EPC2: variants seen among roughly 807,000 people sequenced by gnomAD.
EPC2 encodes the protein enhancer of polycomb 2, also known as enhancer of polycomb homolog 2.
In EPC2, 14 loss-of-function variants were observed where a neutral mutation model predicts 92.1. The ratio of observed to expected loss-of-function variants is 0.15; its 90% CI spans 0.10 to 0.24. EPC2 has a LOEUF of 0.24. EPC2 is among the 10% of genes least tolerant of loss of function. EPC2 has a pLI of 1.00. For missense variants in EPC2, 755 were observed against 971.5 expected, an observed-to-expected ratio of 0.78 and a Z score of 2.96; for synonymous variants, 340 against 334.7, an observed-to-expected ratio of 1.02 and a Z score of -0.17.
rs1423352633 is a variant in EPC2 at position 148,762,720 on chromosome 2, G to A, written c.866G>A (p.Ser289Asn). 3 of 1,610,228 alleles carry A rather than the reference G, an allele frequency of 1.9e-6. No homozygotes were observed. Among genetic ancestry groups the A allele is most frequent in the Admixed American group, 3.4e-5 (2 of 59,482 alleles). Residue 289 changes from serine (S) to asparagine (N), a missense_variant, in exon 6 of 14, where the codon AGT (serine) becomes AAT (asparagine). Transcript: ENST00000258484. ...GAAATCCTTAATGAAGTAAAAATCA[G>A]TAGATCAGAAAAAGAGTTATATGCC... ...GGEILNEVKI[S>N]RSEKELYATP... is the part of the protein sequence containing the mutation.
intron 2 of EPC2, among the ~76,000 whole-genome samples, chr2:148,741,978 C>A (rs185739331): frequency 6.6e-6 from 1 of 152,084 alleles, no homozygotes; most frequent in Non-Finnish European, 1.5e-5. Context: ...TATATTAGTG[C>A]GCTATATATA....
chr2:148,663,462 C>G (rs1195653048), intron 1 of EPC2, among the ~76,000 whole-genome samples: 2 of 151,558 alleles, frequency 1.3e-5, no homozygotes, highest in Non-Finnish European at 2.9e-5. Flanking sequence ...TCGTGACCCA[C>G]CCGCCTTGGC....
In EPC2 at chr2:148,761,663, AT is replaced by A. The variant is rs576361867; in HGVS notation, c.667-111del. The A allele has an allele frequency of 2.3e-4, 149 of 653,534 alleles. 1 individual carries two copies. In the African/African-American group the frequency reaches 2.3e-3, roughly 10 times the overall value. The allele number at this position is 653,534 out of a possible 1,614,324, so 40.5% of individuals were successfully genotyped here. On this transcript the variant is annotated intron_variant, in intron 4 of 13. Coordinates refer to ENST00000258484, the MANE Select transcript of EPC2 (RefSeq NM_015630.4). ...TTATCTTACATAGGTTGCTGTTCAGATTTTTTTTAACATTTTACTTTTATAG... is the reference window on the plus strand; with the variant it reads ...TTATCTTACATAGGTTGCTGTTCAGATTTTTTTAACATTTTACTTTTATAG...
intron 2 of EPC2, among the ~76,000 whole-genome samples, chr2:148,690,986 T>G (rs559860345): frequency 2.6e-5 from 4 of 152,318 alleles, no homozygotes; most frequent in African/African-American, 9.6e-5. Flanking sequence ...AAAGGTCCAG[T>G]GGCCCTAATG....
At position 148,715,021 on chromosome 2, in the gene EPC2, T is replaced by C. The variant is rs1574600507; in HGVS notation, c.313+24648T>C. On this transcript the variant is annotated intron_variant, in intron 2 of 13. Coordinates refer to ENST00000258484, the MANE Select transcript of EPC2 (RefSeq NM_015630.4). ...GAATGGTATCGCCTAGATTTTCTTC[T>C]AGGGTTTTTTTTTTTTTTTTTTTTT... Among the ~76,000 whole-genome samples the C allele has an allele frequency of 2.1e-5, 3 of 140,104 alleles. No individual in the cohort carries two copies. The Admixed American group carries it at 2.3e-4, about 11-fold the overall frequency. The allele number at this position is 140,104 out of a possible 152,430, so 91.9% of individuals were successfully genotyped here. A position where few individuals can be genotyped will look rare whatever the true frequency, so the allele number is the denominator to read the frequency against.
At chr2:148,708,193 C>T (rs1682049730) in intron 2 of EPC2, among the ~76,000 whole-genome samples, 2 of 152,102 alleles carry the variant, frequency 1.3e-5, no homozygotes, top group South Asian at 4.1e-4. Context: ...GTACAGACTA[C>T]CATCAGAGAA....
intron 2 of EPC2, among the ~76,000 whole-genome samples, chr2:148,697,438 A>G (rs986869461): frequency 6.6e-6 from 1 of 152,154 alleles, no homozygotes; most frequent in African/African-American, 2.4e-5. Context: ...AATGAATGGA[A>G]GAGCACTATG....
chr2:148,656,237 T>G (rs1574563545), intron 1 of EPC2, among the ~76,000 whole-genome samples: 1 of 152,304 alleles, frequency 6.6e-6, no homozygotes, highest in Non-Finnish European at 1.5e-5. Context: ...AGAATGTAGC[T>G]TTCTGTTGAT....
At chr2:148,726,352 AT>A (rs1682493332) in intron 2 of EPC2, among the ~76,000 whole-genome samples, 1 of 152,070 alleles carries the variant, frequency 6.6e-6, no homozygotes, top group Non-Finnish European at 1.5e-5. Flanking sequence ...TCTATTTTAA[AT>A]TTTTTCAGAA....
chr2:148,693,444 A>G (rs968203147), intron 2 of EPC2, among the ~76,000 whole-genome samples: 25 of 152,258 alleles, frequency 1.6e-4, no homozygotes, highest in African/African-American at 5.8e-4. Context: ...TCTGTTGACT[A>G]TAGGATAAAA....
At chr2:148,694,929 C>G (rs1346251524) in intron 2 of EPC2, among the ~76,000 whole-genome samples, 1 of 152,122 alleles carries the variant, frequency 6.6e-6, no homozygotes, top group African/African-American at 2.4e-5. Context: ...CGTGCCACCA[C>G]GCCCGGCTAA....
chr2:148,732,791 A>G (rs1049758779), intron 2 of EPC2, among the ~76,000 whole-genome samples: 33 of 152,280 alleles, frequency 2.2e-4, no homozygotes, highest in Middle Eastern at 3.4e-3. Flanking sequence ...TAACAAAATG[A>G]TAAGTTTTTT....
chr2:148,734,013 C>T lies in EPC2; in HGVS notation c.314-9609C>T, dbSNP rs147765449. On this transcript the variant is annotated intron_variant, in intron 2 of 13. Transcript: ENST00000258484. ...TTTTCTTTTCCAAGAAAATGGAAAA[C>T]ATATAGGAAAAGAAATGATTTGTGA... 1.8e-3 allele frequency among the ~76,000 whole-genome samples: 279 copies of T among 152,122 alleles called. 1 individual carries two copies. The highest frequency in any genetic ancestry group is 6.3e-3 in the African/African-American group (260 of 41,526).
chr2:148,645,806 G>A (rs1272470271), intron 1 of EPC2, among the ~76,000 whole-genome samples: 1 of 152,144 alleles, frequency 6.6e-6, no homozygotes, highest in African/African-American at 2.4e-5. Flanking sequence ...AGCCGGGCGC[G>A]GGGCGGACGG....
Position 148,754,123 on chromosome 2 carries a change from A to G in EPC2, c.656A>G (p.Gln219Arg). 1 of 1,599,042 alleles carries G rather than the reference A, an allele frequency of 6.3e-7. No homozygotes were observed. Among genetic ancestry groups the G allele is most frequent in the Non-Finnish European group, 8.5e-7 (1 of 1,172,514 alleles). The change falls in exon 4 of 14, where the codon CAA (glutamine) becomes CGA (arginine). Residue 219 changes from glutamine (Q) to arginine (R), a missense_variant. Gln to Arg is a conservative substitution (Grantham distance 43). This residue lies in a region of EPC2 where 509 missense variants were observed against 607.7 expected (regional missense o/e 0.84). Transcript: ENST00000258484. ...TTTCGGAGAAGAACAGAGAAAATGCAAACTCGAAAGGTAATGTGCAAATTA... is the reference window on the plus strand; with the variant it reads ...TTTCGGAGAAGAACAGAGAAAATGCGAACTCGAAAGGTAATGTGCAAATTA... ...VAFRRRTEKM[Q>R]TRKNRKNDEA... is the part of the protein sequence containing the mutation.
chr2:148,702,740 A>C (rs999152985), intron 2 of EPC2, among the ~76,000 whole-genome samples: 2 of 152,246 alleles, frequency 1.3e-5, no homozygotes, highest in Non-Finnish European at 2.9e-5. Flanking sequence ...TGAAGCCCTA[A>C]GTCAGGCTTG....
At chr2:148,756,056 A>G (rs960686177) in intron 4 of EPC2, among the ~76,000 whole-genome samples, 1 of 152,236 alleles carries the variant, frequency 6.6e-6, no homozygotes, top group Non-Finnish European at 1.5e-5. Flanking sequence ...CATATTGACA[A>G]TATTTTCTGA....
chr2:148,753,430 A>G (rs1683116048), intron 3 of EPC2, among the ~76,000 whole-genome samples: 1 of 152,220 alleles, frequency 6.6e-6, no homozygotes, highest in South Asian at 2.1e-4. Context: ...TGTTTTTATA[A>G]TCAATTCCGA....
At chr2:148,695,167 T>C (rs1167984835) in intron 2 of EPC2, among the ~76,000 whole-genome samples, 1 of 152,220 alleles carries the variant, frequency 6.6e-6, no homozygotes, top group African/African-American at 2.4e-5. Flanking sequence ...TCTTTTCTTA[T>C]TTTGAAATGA....
Sources: allele counts gnomAD v4.1 joint callset (sites outside exome capture counted in the v4.1 genomes callset), GRCh38; gene constraint gnomAD v4.1.1; regional missense constraint gnomAD v4.1.1; transcripts MANE v1.5; gene names NCBI Gene and HGNC (gene_info 2026-07-23, HGNC 2026-07-21).